The following SLIT1 variants were observed in gnomAD, a reference collection of about 807,000 sequenced individuals.
SLIT1 encodes slit homolog 1 protein.
A neutral mutation model predicts 186.1 loss-of-function variants in SLIT1; 66 were observed. That is an observed-to-expected ratio of 0.35 (90% CI 0.29 to 0.44). The LOEUF is 0.44. Among genes scored for constraint, SLIT1 ranks in the 20% least tolerant of loss-of-function variants. The pLI is 1.00. For synonymous variants in SLIT1, 761 were observed against 833.8 expected, an observed-to-expected ratio of 0.91 and a Z score of 1.50; for missense variants, 1,638 against 2,037.4, an observed-to-expected ratio of 0.80 and a Z score of 3.77.
intron 4 of SLIT1, among the ~76,000 whole-genome samples, chr10:97,149,420 C>A (rs770545369): frequency 1.8e-4 from 28 of 152,180 alleles, no homozygotes; most frequent in Non-Finnish European, 3.7e-4. Flanking sequence ...GAAGCGTCTG[C>A]GCTTGGGGCC....
At chr10:97,030,485 ACATTAGCTGAGG>A in intron 25 of SLIT1, among the ~76,000 whole-genome samples, 1 of 152,346 alleles carries the variant, frequency 6.6e-6, no homozygotes, top group Middle Eastern at 3.4e-3. Context: ...TGTGAGGCGC[ACATTAGCTGAGG>A]CAGGCGAAGT....
At chr10:97,152,089 C>T (rs996718864) in intron 4 of SLIT1, among the ~76,000 whole-genome samples, 1 of 152,172 alleles carries the variant, frequency 6.6e-6, no homozygotes, top group African/African-American at 2.4e-5. Context: ...TCCATGTTTG[C>T]TCTCCCTGGC....
intron 4 of SLIT1, among the ~76,000 whole-genome samples, chr10:97,136,817 G>A (rs1180001955): frequency 2.0e-5 from 3 of 152,296 alleles, no homozygotes; most frequent in South Asian, 2.1e-4. Context: ...GGCAGTGGCC[G>A]GGTCACCAGG....
chr10:97,183,649 A>G (rs1476528745), intron 1 of SLIT1, among the ~76,000 whole-genome samples: 1 of 152,222 alleles, frequency 6.6e-6, no homozygotes, highest in Non-Finnish European at 1.5e-5. Context: ...CAAAAGAGCT[A>G]AAGAGTTCAT....
chr10:97,001,805 G>A (rs1327167415), intron 36 of SLIT1, among the ~76,000 whole-genome samples: 1 of 152,152 alleles, frequency 6.6e-6, no homozygotes, highest in Non-Finnish European at 1.5e-5. Context: ...GGAGGGCCTG[G>A]GAAGGAGTCC....
At chr10:97,141,711 T>G (rs112400908) in intron 4 of SLIT1, among the ~76,000 whole-genome samples, 1 of 127,954 alleles carries the variant, frequency 7.8e-6, no homozygotes. Context: ...CGTATTGTAT[T>G]GTACTGTATT....
intron 8 of SLIT1, among the ~76,000 whole-genome samples, chr10:97,061,100 C>T (rs1730779883): frequency 6.6e-6 from 1 of 152,240 alleles, no homozygotes; most frequent in South Asian, 2.1e-4. Context: ...TCACTTAACA[C>T]TTCTGAGCCT....
chr10:97,080,151 G>C (rs1849089060), intron 4 of SLIT1, among the ~76,000 whole-genome samples: 1 of 152,154 alleles, frequency 6.6e-6, no homozygotes, highest in Admixed American at 6.5e-5. Flanking sequence ...TCACAGCCTA[G>C]GGGGACTTCG....
chr10:97,180,969 A>C (rs1342778345), intron 1 of SLIT1, among the ~76,000 whole-genome samples: 1 of 152,234 alleles, frequency 6.6e-6, no homozygotes, highest in Admixed American at 6.5e-5. Context: ...AGGTGTTATC[A>C]GCCCCAGAGG....
chr10:97,177,702 G>A (rs138925135), intron 1 of SLIT1, among the ~76,000 whole-genome samples: 4 of 152,316 alleles, frequency 2.6e-5, no homozygotes, highest in Non-Finnish European at 4.4e-5. Context: ...CAGGCCGGGC[G>A]CGGTGGCTCA....
intron 4 of SLIT1, among the ~76,000 whole-genome samples, chr10:97,077,990 C>CT (rs1410593471): frequency 3.3e-5 from 5 of 152,052 alleles, no homozygotes; most frequent in African/African-American, 1.2e-4. Context: ...TGTCTGTGGT[C>CT]TCAGCTACTC....
intron 1 of SLIT1, among the ~76,000 whole-genome samples, chr10:97,179,068 G>C (rs1206045012): frequency 1.3e-5 from 2 of 151,684 alleles, no homozygotes; most frequent in Non-Finnish European, 2.9e-5. Context: ...CCTAAGTCTT[G>C]CCCAGCCTTT....
At chr10:97,082,436 T>C (rs181360037) in intron 4 of SLIT1, among the ~76,000 whole-genome samples, 1 of 152,284 alleles carries the variant, frequency 6.6e-6, no homozygotes, top group Non-Finnish European at 1.5e-5. Flanking sequence ...TTTTATTTTA[T>C]TTATTTATTT....
At chr10:97,042,500 G>T (rs531798865) in intron 20 of SLIT1, among the ~76,000 whole-genome samples, 3 of 152,188 alleles carry the variant, frequency 2.0e-5, no homozygotes, top group Middle Eastern at 6.8e-3. Flanking sequence ...ACTCAAAAGG[G>T]TTCCATTGCA....
chr10:97,102,476 G>A (rs1849369032), intron 4 of SLIT1: 1 of 150,740 alleles, frequency 6.6e-6, no homozygotes, highest in Non-Finnish European at 1.5e-5. Context: ...AAAGCTGTGA[G>A]GCACTGCGGG....
intron 4 of SLIT1, among the ~76,000 whole-genome samples, chr10:97,138,023 A>T (rs1451513736): frequency 1.3e-5 from 2 of 152,198 alleles, no homozygotes; most frequent in Admixed American, 6.5e-5. Context: ...GTTGTGCCTG[A>T]TTCCCGATTA....
chr10:97,067,880 G>T (rs576052342), intron 4 of SLIT1, among the ~76,000 whole-genome samples: 2 of 152,204 alleles, frequency 1.3e-5, no homozygotes, highest in Non-Finnish European at 2.9e-5. Context: ...CACCCCACAG[G>T]GTCCGAGAAC....
intron 4 of SLIT1, among the ~76,000 whole-genome samples, chr10:97,149,468 G>A (rs1270068005): frequency 6.6e-6 from 1 of 152,116 alleles, no homozygotes; most frequent in South Asian, 2.1e-4. Context: ...TGAACCGGGC[G>A]GGGCAGAAGC....
At chr10:97,101,376 C>G (rs1849352291) in intron 4 of SLIT1, 1 of 152,250 alleles carries the variant, frequency 6.6e-6, no homozygotes, top group African/African-American at 2.4e-5. Flanking sequence ...AGCAAAACTT[C>G]TCTAGTTTCT....
Sources: allele counts gnomAD v4.1 joint callset (sites outside exome capture counted in the v4.1 genomes callset), GRCh38; gene constraint gnomAD v4.1.1; transcripts MANE v1.5; gene names NCBI Gene and HGNC (gene_info 2026-07-23, HGNC 2026-07-21).